The following RTN4 variants were observed in gnomAD, a reference collection of about 807,000 sequenced individuals.
RTN4 encodes reticulon 4.
Under a neutral mutation model 90.4 loss-of-function variants are expected in RTN4, and 32 were observed. That is an observed-to-expected ratio of 0.35 (90% CI 0.27 to 0.48). The LOEUF is 0.48. RTN4 is among the 20% of genes least tolerant of loss of function. The probability of loss-of-function intolerance (pLI) is 0.99; values close to 1 mark genes in which losing one functional copy is unlikely to be tolerated. For missense variants in RTN4, 1,706 were observed against 1,430.2 expected, an observed-to-expected ratio of 1.19 and a Z score of -3.11; for synonymous variants, 629 against 552.5, an observed-to-expected ratio of 1.14 and a Z score of -1.94.
intron 2 of RTN4, among the ~76,000 whole-genome samples, chr2:55,066,693 AAAATAAATAAATAAAT>A (rs201230678): frequency 3.4e-5 from 5 of 145,434 alleles, no homozygotes; most frequent in East Asian, 2.0e-4. Context: ...CTCCATCTCA[AAAATAAATAAATAAAT>A]AAATAAATAA....
chr2:55,049,142 G>A, intron 1 of RTN4: 4 of 985,846 alleles, frequency 4.1e-6, no homozygotes, highest in Non-Finnish European at 4.8e-6. Context: ...CCTTCACTGC[G>A]GTTGGGTCAA....
At chr2:55,009,707 A>G (rs1680493404) in intron 3 of RTN4, among the ~76,000 whole-genome samples, 1 of 152,228 alleles carries the variant, frequency 6.6e-6, no homozygotes, top group African/African-American at 2.4e-5. Context: ...CAACTACACC[A>G]AGTAAGGTTT....
chr2:55,063,709 C>T (rs770617610), intron 2 of RTN4, among the ~76,000 whole-genome samples: 5 of 151,370 alleles, frequency 3.3e-5, no homozygotes, highest in Admixed American at 6.6e-5. Flanking sequence ...GGTAAAACCC[C>T]GTCTCCACTG....
chr2:55,047,026 C>T (rs1389021350), intron 1 of RTN4: 2 of 152,160 alleles, frequency 1.3e-5, no homozygotes, highest in Admixed American at 1.3e-4. Flanking sequence ...ATGCTTTTGT[C>T]AATCATTAAA....
chr2:55,001,364 G>A (rs913015331), intron 3 of RTN4, among the ~76,000 whole-genome samples: 4 of 152,122 alleles, frequency 2.6e-5, no homozygotes, highest in East Asian at 3.8e-4. Context: ...AAAAATATGC[G>A]TCTCTAGCTC....
At chr2:55,080,974 A>G (rs1668701546) in intron 1 of RTN4, among the ~76,000 whole-genome samples, 2 of 152,228 alleles carry the variant, frequency 1.3e-5, no homozygotes, top group South Asian at 4.1e-4. Flanking sequence ...ATGACATTAT[A>G]CTTTTTAAAA....
At chr2:55,134,413 G>A in the RTN4 span, among the ~76,000 whole-genome samples, 4 of 152,122 alleles carry the variant, frequency 2.6e-5, no homozygotes, top group African/African-American at 4.8e-5. Context: ...TGGGGTCCAA[G>A]GCCACTCAGT....
intron 1 of RTN4, among the ~76,000 whole-genome samples, chr2:55,044,785 TAA>T (rs10639848): frequency 3.0e-4 from 20 of 65,658 alleles, no homozygotes; most frequent in African/African-American, 9.9e-4. Context: ...TGCAAATCAC[TAA>T]AAAAAAAAAA....
Position 55,003,735 on chromosome 2 carries a change from T to G in RTN4, c.3014-16037A>C, listed in dbSNP as rs182981154. ...GACCTATGATGACTGCATCTGTAAC[T>G]AAGCAAGTACAGACTTTTTTCCTGT... On this transcript the variant is annotated intron_variant, in intron 3 of 8. Transcript: ENST00000337526. 5.3e-4 allele frequency among the ~76,000 whole-genome samples: 80 copies of G among 152,314 alleles called. 1 individual carries two copies. Among genetic ancestry groups the G allele is most frequent in the African/African-American group, 1.9e-3 (78 of 41,570 alleles).
intron 3 of RTN4, among the ~76,000 whole-genome samples, chr2:55,020,532 G>A (rs1681351622): frequency 6.6e-6 from 1 of 152,074 alleles, no homozygotes; most frequent in Non-Finnish European, 1.5e-5. Flanking sequence ...AATATAGTTT[G>A]TCACAAATTT....
intron 1 of RTN4, among the ~76,000 whole-genome samples, chr2:55,036,628 A>T (rs915380304): frequency 1.8e-4 from 13 of 74,082 alleles, no homozygotes; most frequent in East Asian, 1.2e-3. Context: ...AAAAAAATTA[A>T]AAAAATTTAA....
At chr2:54,979,553 A>G (rs1460619949) in intron 5 of RTN4, among the ~76,000 whole-genome samples, 2 of 152,228 alleles carry the variant, frequency 1.3e-5, no homozygotes, top group East Asian at 1.9e-4. Context: ...TGTATATTCA[A>G]TGGAAACAAA....
intron 1 of RTN4, among the ~76,000 whole-genome samples, chr2:55,085,343 A>AGG (rs56708778): frequency 0.3 from 45,878 of 151,890 alleles, 7,775 homozygotes; most frequent in Middle Eastern, 0.4. Context: ...AAGGAGAGAG[A>AGG]GGTAGATAAA....
intron 1 of RTN4, among the ~76,000 whole-genome samples, chr2:55,048,527 T>G (rs1573475006): frequency 6.6e-6 from 1 of 152,058 alleles, no homozygotes; most frequent in African/African-American, 2.4e-5. Context: ...TGTTAAAAAC[T>G]AAGATACAAA....
intron 1 of RTN4, among the ~76,000 whole-genome samples, chr2:55,030,564 G>A (rs1375269671): frequency 3.3e-5 from 5 of 152,084 alleles, no homozygotes; most frequent in Non-Finnish European, 7.3e-5. Flanking sequence ...TGTGCCTAAT[G>A]AAACTTGTAA....
chr2:55,088,738 G>A (rs1302199749), intron 1 of RTN4, among the ~76,000 whole-genome samples: 2 of 152,032 alleles, frequency 1.3e-5, no homozygotes, highest in African/African-American at 2.4e-5. Flanking sequence ...TCTTCTGAAA[G>A]CAAAAAAGCA....
At chr2:55,087,082 A>G (rs1260524501) in intron 1 of RTN4, among the ~76,000 whole-genome samples, 1 of 152,212 alleles carries the variant, frequency 6.6e-6, no homozygotes, top group Non-Finnish European at 1.5e-5. Flanking sequence ...ACTGCTGTGT[A>G]GCATTCTATT....
the RTN4 span, among the ~76,000 whole-genome samples, chr2:55,123,453 A>C: frequency 6.6e-6 from 1 of 152,172 alleles, no homozygotes; most frequent in Non-Finnish European, 1.5e-5. Context: ...ATCAGCAGAA[A>C]GATTATTCTC....
At chr2:55,005,730 A>G (rs1680160660) in intron 3 of RTN4, among the ~76,000 whole-genome samples, 1 of 152,208 alleles carries the variant, frequency 6.6e-6, no homozygotes, top group African/African-American at 2.4e-5. Context: ...GAATACTTGC[A>G]TATACGTAAT....
Sources: allele counts gnomAD v4.1 joint callset (sites outside exome capture counted in the v4.1 genomes callset), GRCh38; gene constraint gnomAD v4.1.1; transcripts MANE v1.5; gene names NCBI Gene and HGNC (gene_info 2026-07-23, HGNC 2026-07-21).